The following HIVEP2 variants were observed in gnomAD, a reference collection of about 807,000 sequenced individuals.
The protein encoded by HIVEP2 is transcription factor HIVEP2.
HIVEP2 carries 14 observed loss-of-function variants against 180.7 expected under a neutral mutation model. The ratio of observed to expected loss-of-function variants is 0.08; its 90% CI spans 0.05 to 0.12. HIVEP2 has a LOEUF of 0.12. HIVEP2 is among the 10% of genes least tolerant of loss of function. The probability of loss-of-function intolerance (pLI) is 1.00; values close to 1 mark genes in which losing one functional copy is unlikely to be tolerated. For missense variants in HIVEP2, 2,579 were observed against 3,008.5 expected, an observed-to-expected ratio of 0.86 and a Z score of 3.34; for synonymous variants, 1,184 against 1,136.4, an observed-to-expected ratio of 1.04 and a Z score of -0.84.
In HIVEP2 at chr6:142,774,224, T is replaced by G; in HGVS notation, c.515A>C (p.Gln172Pro). 4 of 1,614,164 alleles carry G rather than the reference T, an allele frequency of 2.5e-6. No individual in the cohort carries two copies. The highest frequency in any genetic ancestry group is 3.4e-6 in the Non-Finnish European group (4 of 1,180,032). Residue 172 changes from glutamine (Q) to proline (P), a missense_variant, in exon 5 of 10, where the codon CAG (glutamine) becomes CCG (proline). Physicochemically the swap from Gln to Pro is moderately conservative, Grantham distance 76. This residue lies in a region of HIVEP2 where 207 missense variants were observed against 210.1 expected (regional missense o/e 0.99). Transcript: ENST00000367603. The surrounding 1 kb of genome is among the most constrained non-coding windows in gnomAD (Gnocchi z 5.1). ...YSQYSQKSIE[Q>P]AEEAHKKEHK... ...CTCTTTCTTGTGAGCCTCTTCTGCC[T>G]GTTCAATACTTTTCTGGGAGTATTG...
intron 1 of HIVEP2, among the ~76,000 whole-genome samples, chr6:142,859,936 G>T (rs113735462): frequency 6.6e-6 from 1 of 151,788 alleles, no homozygotes; most frequent in Non-Finnish European, 1.5e-5. Context: ...GCAAGAAGTT[G>T]AGGTAATATC....
rs960198034 is a variant in HIVEP2 at position 142,771,905 on chromosome 6, G to T, written c.2834C>A (p.Ala945Glu). ...CTCCCCTGAGGAGTGCTCCATATCT[G>T]CAAGTCGCAGACGCTTCTTTTTGGG... ...LPPKKKRLRL[A>E]DMEHSSGESS... The change falls in exon 5 of 10, where the codon GCA (alanine) becomes GAA (glutamate). Residue 945 changes from alanine to glutamate, a missense_variant. Physicochemically the swap from Ala to Glu is moderately radical, Grantham distance 107 (BLOSUM62 -1). Transcript: ENST00000367603. The surrounding 1 kb of genome is among the most constrained non-coding windows in gnomAD (Gnocchi z 5.4). 1.5e-5 allele frequency: 24 copies of T among 1,614,084 alleles called. No homozygotes were observed. The highest frequency in any genetic ancestry group is 1.6e-4 in the Middle Eastern group (1 of 6,084).
At position 142,762,730 on chromosome 6, in the gene HIVEP2, G is replaced by A. The variant is rs1057110074; in HGVS notation, c.5519-1165C>T. Among the ~76,000 whole-genome samples, 3 of 152,262 alleles carry A rather than the reference G, an allele frequency of 2.0e-5. No homozygotes were observed. The South Asian group carries it at 6.2e-4, about 32-fold the overall frequency. On this transcript the variant is annotated intron_variant, in intron 7 of 9. Transcript: ENST00000367603. The stretch of plus-strand genomic sequence containing the variant: ...TAGGGGTGTTCAGCTTGCTGTTCAT[G>A]TAATATATGAGCCACAGTTAAAACT...
intron 1 of HIVEP2, among the ~76,000 whole-genome samples, chr6:142,906,437 A>G (rs1237416339): frequency 1.3e-5 from 2 of 152,014 alleles, no homozygotes; most frequent in African/African-American, 4.8e-5. Flanking sequence ...AAGTCAATCC[A>G]GACAAAGAAA....
chr6:142,885,358 C>T (rs1776669519), intron 1 of HIVEP2, among the ~76,000 whole-genome samples: 2 of 152,034 alleles, frequency 1.3e-5, no homozygotes, highest in African/African-American at 2.4e-5. Context: ...CGTCCCTCCC[C>T]CATCATCGCT....
chr6:142,933,998 C>T lies in HIVEP2; in HGVS notation c.-641+11101G>A, dbSNP rs567606342. On this transcript the variant is annotated intron_variant, in intron 1 of 9. Transcript: ENST00000367603. ...GACACAAGTGCATTAGTGACCTACA[C>T]AAAATTTAAATCCATCAGGAGATAT... is the stretch of plus-strand genomic sequence containing the variant. 5.9e-5 allele frequency among the ~76,000 whole-genome samples: 9 copies of T among 152,292 alleles called. No homozygotes were observed. In the East Asian group the frequency reaches 1.7e-3, roughly 29 times the overall value.
rs567440624 is a variant in HIVEP2 at position 142,872,423 on chromosome 6, A to T, written c.-640-35376T>A. Among the ~76,000 whole-genome samples the T allele has an allele frequency of 2.6e-5, 4 of 152,316 alleles. No homozygotes were observed. In the East Asian group the frequency reaches 7.7e-4, roughly 29 times the overall value. The stretch of plus-strand genomic sequence containing the variant: ...ATGCAGGCAGCTGTTGGCAAAAACT[A>T]ATCAAAATGGACCGTGATTTCATAA... On this transcript the variant is annotated intron_variant, in intron 1 of 9. Coordinates refer to ENST00000367603, the MANE Select transcript of HIVEP2 (RefSeq NM_006734.4).
At chr6:142,796,014 G>A (rs191441965) in intron 2 of HIVEP2, among the ~76,000 whole-genome samples, 61 of 152,254 alleles carry the variant, frequency 4.0e-4, no homozygotes, top group Middle Eastern at 6.8e-3. Context: ...CTATGGGGGA[G>A]CCCACGTGGA....
At chr6:142,810,590 C>T (rs931439252) in intron 2 of HIVEP2, among the ~76,000 whole-genome samples, 27 of 151,802 alleles carry the variant, frequency 1.8e-4, no homozygotes, top group Middle Eastern at 3.4e-3. Flanking sequence ...GGTGAAACCC[C>T]GTCTCTATTA....
At position 142,768,528 on chromosome 6, in the gene HIVEP2, A is replaced by G. The variant is rs547012832; in HGVS notation, c.5196T>C (p.Pro1732=). ...TGCTGCCAAATAAAAAGGACGCATC[A>G]GGTTTCATCTGTAAGACAAGAAGAG... The part of the protein sequence containing the change: ...SAWKQFTQMK[P]DASFLFGSKL... The change falls in exon 6 of 10, where the codon CCT becomes CCC. Residue 1732 remains proline (P), a synonymous_variant. Transcript: ENST00000367603. 48 of 1,613,166 alleles carry G rather than the reference A, an allele frequency of 3.0e-5. 1 individual carries two copies. In the South Asian group the frequency reaches 5.3e-4, roughly 18 times the overall value.
At chr6:142,761,429 G>T in intron 8 of HIVEP2, 35 bp downstream of exon 8, 2 of 1,038,618 alleles carry the variant, frequency 1.9e-6, no homozygotes, top group East Asian at 2.4e-5. Flanking sequence ...TGTGCATAAT[G>T]AAGAGGTCTG....
rs1437324863 is a variant in HIVEP2 at position 142,841,896 on chromosome 6, G to C, written c.-640-4849C>G. On this transcript the variant is annotated intron_variant, in intron 1 of 9. Coordinates refer to ENST00000367603, the MANE Select transcript of HIVEP2 (RefSeq NM_006734.4). ...ATTCTTCATGTCCAGCAATTAAATT[G>C]TGTGAATTCCTCACAAGGTTCCCTA... Among the ~76,000 whole-genome samples, 6 of 151,996 alleles carry C rather than the reference G, an allele frequency of 3.9e-5. No homozygotes were observed. In the South Asian group the frequency reaches 1.2e-3, roughly 32 times the overall value.
intron 2 of HIVEP2, among the ~76,000 whole-genome samples, chr6:142,822,744 A>G (rs1191213208): frequency 6.6e-6 from 1 of 152,178 alleles, no homozygotes; most frequent in Non-Finnish European, 1.5e-5. Flanking sequence ...ATTCACAAAG[A>G]GAAATAAAGC....
At chr6:142,906,373 A>T (rs1005423517) in intron 1 of HIVEP2, among the ~76,000 whole-genome samples, 27 of 152,072 alleles carry the variant, frequency 1.8e-4, no homozygotes, top group Middle Eastern at 3.2e-3. Context: ...TAAAAAGCTC[A>T]TAGAAACTTA....
rs368322485 is a variant in HIVEP2 at position 142,770,505 on chromosome 6, T to A, written c.4234A>T (p.Thr1412Ser). 7.4e-6 allele frequency: 12 copies of A among 1,614,020 alleles called. No homozygotes were observed. The East Asian group carries it at 2.0e-4, about 27-fold the overall frequency. The change falls in exon 5 of 10, where the codon ACT (threonine) becomes TCT (serine). Residue 1412 changes from threonine to serine, a missense_variant. Physicochemically the swap from Thr to Ser is moderately conservative, Grantham distance 58. Transcript: ENST00000367603. The surrounding 1 kb of genome is among the most constrained non-coding windows in gnomAD (Gnocchi z 4.7). ...GAGGATTCTAAGCCGAGGGGCAAAG[T>A]CTGAGGTGCTTTCCAAATGGGGTAC... ...EKYPIWKAPQ[T>S]LPLGLESSIP...
chr6:142,811,282 T>G (rs548446367), intron 2 of HIVEP2, among the ~76,000 whole-genome samples: 1 of 152,246 alleles, frequency 6.6e-6, no homozygotes, highest in Admixed American at 6.5e-5. Flanking sequence ...CTCAGAGCAC[T>G]GTAAAGCAAA....
intron 1 of HIVEP2, among the ~76,000 whole-genome samples, chr6:142,907,254 A>G (rs1051055266): frequency 7.2e-5 from 11 of 152,208 alleles, no homozygotes; most frequent in African/African-American, 2.7e-4. Context: ...TTCAGTATAC[A>G]CTACCAAATC....
At chr6:142,901,605 A>T (rs937781139) in intron 1 of HIVEP2, among the ~76,000 whole-genome samples, 8 of 152,202 alleles carry the variant, frequency 5.3e-5, no homozygotes, top group Admixed American at 3.3e-4. Context: ...GAAATCAGTG[A>T]TTTGACTTCT....
intron 4 of HIVEP2, 83 bp from the exon 5 acceptor site, chr6:142,775,208 C>G: frequency 3.5e-6 from 1 of 287,634 alleles, no homozygotes; most frequent in African/African-American, 2.3e-5. Flanking sequence ...ACTAACCAAC[C>G]AGAAATTAGA....
Sources: allele counts gnomAD v4.1 joint callset (sites outside exome capture counted in the v4.1 genomes callset), GRCh38; gene constraint gnomAD v4.1.1; regional missense constraint gnomAD v4.1.1; non-coding constraint Gnocchi (gnomAD v3.1); transcripts MANE v1.5; gene names NCBI Gene and HGNC (gene_info 2026-07-23, HGNC 2026-07-21).